TMPRSS9: variants seen among roughly 807,000 people sequenced by gnomAD.
The protein encoded by TMPRSS9 is transmembrane serine protease 9, also known as transmembrane protease serine 9.
In TMPRSS9, 113 loss-of-function variants were observed where a neutral mutation model predicts 111.4. The observed-to-expected ratio is 1.01, with a 90% CI of 0.87 to 1.19. The LOEUF (loss-of-function observed/expected upper bound fraction) is 1.19. Among genes scored for constraint, TMPRSS9 ranks in the 50% most tolerant of loss-of-function variants. The pLI is 0.00. For missense variants in TMPRSS9, 1,803 were observed against 1,513.1 expected, an observed-to-expected ratio of 1.19 and a Z score of -3.18; for synonymous variants, 805 against 659.1, an observed-to-expected ratio of 1.22 and a Z score of -3.39.
chr19:2,368,707 A>C (rs1356162998), intron 1 of TMPRSS9, among the ~76,000 whole-genome samples: 1 of 151,072 alleles, frequency 6.6e-6, no homozygotes, highest in African/African-American at 2.4e-5. Context: ...GCTACCCTGC[A>C]GACGGTCTGA....
exon 12 of TMPRSS9, chr19:2,416,581 C>T: frequency 6.2e-7 from 1 of 1,611,938 alleles, no homozygotes; most frequent in African/African-American, 1.3e-5. Flanking sequence ...CACTGCGTCC[C>T]TCCTGGGCCT....
At chr19:2,415,141 C>T (rs1190246716) in intron 10 of TMPRSS9, among the ~76,000 whole-genome samples, 9 of 151,832 alleles carry the variant, frequency 5.9e-5, no homozygotes, top group African/African-American at 1.7e-4. Flanking sequence ...GTTGGGGTTT[C>T]GCCATGTTGG....
intron 1 of TMPRSS9, among the ~76,000 whole-genome samples, chr19:2,383,112 G>A (rs1015805246): frequency 2.0e-5 from 3 of 152,170 alleles, no homozygotes; most frequent in Non-Finnish European, 4.4e-5. Flanking sequence ...TCAGCACTTT[G>A]GGAGGCCGAG....
At chr19:2,397,814 G>A (rs1379680655) in intron 2 of TMPRSS9, among the ~76,000 whole-genome samples, 2 of 122,918 alleles carry the variant, frequency 1.6e-5, no homozygotes, top group South Asian at 2.5e-4. Context: ...CAGCTACTCG[G>A]GAGGCTGAGG....
intron 4 of TMPRSS9, among the ~76,000 whole-genome samples, chr19:2,399,530 C>T (rs759686279): frequency 6.6e-6 from 1 of 152,120 alleles, no homozygotes; most frequent in Non-Finnish European, 1.5e-5. Context: ...GAGCCGAGAT[C>T]GTGCCATTGC....
chr19:2,389,472 C>A (rs565841342), upstream of TMPRSS9, among the ~76,000 whole-genome samples: 1 of 150,718 alleles, frequency 6.6e-6, no homozygotes, highest in East Asian at 1.9e-4. Flanking sequence ...CGGGTTCAAG[C>A]GATTCTCCTG....
At chr19:2,403,943 A>G (rs1970909814) in intron 6 of TMPRSS9, among the ~76,000 whole-genome samples, 1 of 149,988 alleles carries the variant, frequency 6.7e-6, no homozygotes, top group African/African-American at 2.5e-5. Flanking sequence ...CAGTGAGCCA[A>G]GATCACGCCA....
At chr19:2,369,277 C>A (rs1206142739) in intron 1 of TMPRSS9, among the ~76,000 whole-genome samples, 4 of 152,176 alleles carry the variant, frequency 2.6e-5, no homozygotes, top group Admixed American at 2.6e-4. Flanking sequence ...TTTTTTGTAC[C>A]TGGGTGAGTA....
chr19:2,409,383 CT>C (rs1568183902), intron 8 of TMPRSS9, among the ~76,000 whole-genome samples: 4 of 152,124 alleles, frequency 2.6e-5, no homozygotes. Context: ...ACCTCGTGAT[CT>C]TCCTGCCTCA....
At chr19:2,395,563 C>CACAAAAAT (rs1970688251) in intron 1 of TMPRSS9, among the ~76,000 whole-genome samples, 1 of 152,032 alleles carries the variant, frequency 6.6e-6, no homozygotes, top group Non-Finnish European at 1.5e-5. Flanking sequence ...CCCATCTGTA[C>CACAAAAAT]TAGCTGGGTA....
At chr19:2,401,033 A>G (rs547567256) in intron 4 of TMPRSS9, among the ~76,000 whole-genome samples, 160 of 144,312 alleles carry the variant, frequency 1.1e-3, no homozygotes, top group South Asian at 5.1e-3. Context: ...CCAGCACTTT[A>G]GGAGGCCGAG....
At chr19:2,362,481 C>T (rs922483872) in intron 1 of TMPRSS9, among the ~76,000 whole-genome samples, 3 of 151,458 alleles carry the variant, frequency 2.0e-5, no homozygotes, top group South Asian at 2.1e-4. Flanking sequence ...GTTTCTGCAG[C>T]TGTGTGGTTA....
chr19:2,396,825 G>A (rs1002571755), intron 2 of TMPRSS9, among the ~76,000 whole-genome samples, 159 bp downstream of exon 3: 1 of 152,202 alleles, frequency 6.6e-6, no homozygotes, highest in Non-Finnish European at 1.5e-5. Flanking sequence ...CGGGCAGGAC[G>A]AGGCCAGGTG....
intron 7 of TMPRSS9, among the ~76,000 whole-genome samples, chr19:2,405,887 G>A (rs556701860): frequency 1.7e-4 from 25 of 150,014 alleles, no homozygotes; most frequent in Non-Finnish European, 2.8e-4. Context: ...TAGTAGAGAC[G>A]GGGTTTCACC....
chr19:2,414,941 ATTT>A (rs909082554), intron 10 of TMPRSS9, among the ~76,000 whole-genome samples: 4,240 of 127,078 alleles, frequency 0.033, 144 homozygotes, highest in East Asian at 0.11. Flanking sequence ...TTGCATTCCT[ATTT>A]TTTTTTTTTT....
At chr19:2,416,693 G>C (rs1297066127) in exon 12 of TMPRSS9, 17 of 1,613,086 alleles carry the variant, frequency 1.1e-5, no homozygotes, top group Non-Finnish European at 1.4e-5. Context: ...GAGCTGGCCA[G>C]CCCCCTGGCC....
At chr19:2,362,665 G>A (rs996825274) in intron 1 of TMPRSS9, among the ~76,000 whole-genome samples, 3 of 152,132 alleles carry the variant, frequency 2.0e-5, no homozygotes, top group Non-Finnish European at 4.4e-5. Context: ...TTGTATCAGT[G>A]TATGACTATA....
At chr19:2,369,333 A>G (rs1381509501) in intron 1 of TMPRSS9, among the ~76,000 whole-genome samples, 1 of 152,162 alleles carries the variant, frequency 6.6e-6, no homozygotes, top group Non-Finnish European at 1.5e-5. Context: ...TGGGAGGAGC[A>G]GGCATTTTTG....
chr19:2,379,181 C>CTTTTTT (rs919990556), intron 1 of TMPRSS9, among the ~76,000 whole-genome samples: 19 of 99,410 alleles, frequency 1.9e-4, no homozygotes, highest in South Asian at 3.4e-4. Context: ...GCTTCTTTCT[C>CTTTTTT]TTTTTTTTTT....
Sources: allele counts gnomAD v4.1 joint callset (sites outside exome capture counted in the v4.1 genomes callset), GRCh38; gene constraint gnomAD v4.1.1; transcripts MANE v1.5; gene names NCBI Gene and HGNC (gene_info 2026-07-23, HGNC 2026-07-21).